Variants in GAS2 observed in about 807,000 individuals in gnomAD.
The protein encoded by GAS2 is growth arrest-specific protein 2.
Under a neutral mutation model 37.5 loss-of-function variants are expected in GAS2, and 20 were observed. That is an observed-to-expected ratio of 0.53 (90% CI 0.37 to 0.77). The LOEUF (loss-of-function observed/expected upper bound fraction) is 0.77, where lower values mean the gene tolerates loss of function less well. Ranked by LOEUF, GAS2 falls within the 30% of genes least tolerant of loss-of-function variation. GAS2 has a pLI of 0.00. For missense variants in GAS2, 336 were observed against 373.4 expected (o/e 0.90, Z 0.82); for synonymous variants, 144 against 132.2 (o/e 1.09, Z -0.61).
chr11:22,638,474 T>C (rs563686489), intron 1 of GAS2, among the ~76,000 whole-genome samples: 2 of 151,956 alleles, frequency 1.3e-5, no homozygotes, highest in South Asian at 4.2e-4. Flanking sequence ...GCCTCCGAAG[T>C]AGCTAGGATT....
At chr11:22,633,717 T>C (rs138233905) in intron 1 of GAS2, among the ~76,000 whole-genome samples, 4 of 152,246 alleles carry the variant, frequency 2.6e-5, no homozygotes, top group African/African-American at 7.2e-5. Flanking sequence ...GCCACTGTAG[T>C]TCCCCAACCA....
intron 2 of GAS2, among the ~76,000 whole-genome samples, chr11:22,681,072 T>A (rs1849660205): frequency 6.6e-6 from 1 of 152,216 alleles, no homozygotes; most frequent in Admixed American, 6.5e-5. Context: ...TAAATATGAT[T>A]ATTAGAATTC....
intron 3 of GAS2, among the ~76,000 whole-genome samples, chr11:22,699,766 A>C (rs757575525): frequency 1.3e-5 from 2 of 152,176 alleles, no homozygotes; most frequent in Non-Finnish European, 2.9e-5. Context: ...TAGTATACAC[A>C]AGCACTGAGT....
At chr11:22,631,786 T>C (rs1858747646) in intron 1 of GAS2, among the ~76,000 whole-genome samples, 1 of 152,068 alleles carries the variant, frequency 6.6e-6, no homozygotes, top group Admixed American at 6.6e-5. Context: ...TTTTCCTTTT[T>C]GTTATGTCTT....
chr11:22,661,595 A>G (rs1444348685), intron 1 of GAS2, among the ~76,000 whole-genome samples: 1 of 152,214 alleles, frequency 6.6e-6, no homozygotes, highest in African/African-American at 2.4e-5. Flanking sequence ...GAAGGTGACA[A>G]TTAAGCTTTC....
chr11:22,692,454 C>T (rs1850292221), intron 3 of GAS2, among the ~76,000 whole-genome samples: 1 of 152,100 alleles, frequency 6.6e-6, no homozygotes, highest in Non-Finnish European at 1.5e-5. Context: ...AGACATCCAT[C>T]AATATATGTA....
chr11:22,653,657 C>G (rs1467244813), intron 1 of GAS2, among the ~76,000 whole-genome samples: 1 of 152,200 alleles, frequency 6.6e-6, no homozygotes, highest in African/African-American at 2.4e-5. Context: ...AAAATAGAGT[C>G]TGCATTAGCA....
At chr11:22,789,513 G>A (rs1449294796) in intron 7 of GAS2, among the ~76,000 whole-genome samples, 28 of 120,766 alleles carry the variant, frequency 2.3e-4, no homozygotes, top group Admixed American at 7.1e-4. Flanking sequence ...CCAGGCTGAA[G>A]TGCAGTGGCG....
At chr11:22,794,926 A>G (rs2134600792) in intron 7 of GAS2, among the ~76,000 whole-genome samples, 1 of 152,298 alleles carries the variant, frequency 6.6e-6, no homozygotes, top group East Asian at 1.9e-4. Context: ...AGTCTTGTGT[A>G]GATTACTCCC....
At chr11:22,759,066 TTA>T (rs1854224281) in intron 7 of GAS2, among the ~76,000 whole-genome samples, 1 of 152,138 alleles carries the variant, frequency 6.6e-6, no homozygotes, top group African/African-American at 2.4e-5. Context: ...CCTAATCACT[TTA>T]TGTGTCGACT....
chr11:22,695,854 A>G (rs1348339976), intron 3 of GAS2, among the ~76,000 whole-genome samples: 1 of 152,146 alleles, frequency 6.6e-6, no homozygotes, highest in Non-Finnish European at 1.5e-5. Context: ...AATTATTAGA[A>G]ATTGTGTCCT....
At chr11:22,686,550 TACTAAAAAAAAAAAAAAAAAAA>T (rs2133947625) in intron 3 of GAS2, among the ~76,000 whole-genome samples, 1 of 88,856 alleles carries the variant, frequency 1.1e-5, no homozygotes, top group Non-Finnish European at 2.0e-5. Flanking sequence ...AACCCGTCTC[TACTAAAAAAAAAAAAAAAAAAA>T]AAAAAAAAAA....
intron 1 of GAS2, among the ~76,000 whole-genome samples, chr11:22,668,541 G>A (rs767928335): frequency 6.6e-6 from 1 of 152,082 alleles, no homozygotes; most frequent in Admixed American, 6.5e-5. Flanking sequence ...TGGGAAATAA[G>A]TTCACATGGC....
In GAS2 at chr11:22,726,330, A is replaced by G. The variant is rs202203862; in HGVS notation, c.306A>G (p.Ala102=). ...PLKKIPCKTS[A]PSGSFFARDN... Reference sequence around the variant, plus strand: ...AGAAGATCCCATGCAAAACCAGTGCACCCTCGGGCTCCTTTTTTGCCAGAG... The same window carrying G: ...AGAAGATCCCATGCAAAACCAGTGCGCCCTCGGGCTCCTTTTTTGCCAGAG... Residue 102 remains alanine (A), a synonymous_variant, in exon 4 of 8, where the codon GCA becomes GCG. Transcript: ENST00000454584. 3 of 1,611,338 alleles carry G rather than the reference A, an allele frequency of 1.9e-6. No homozygotes were observed. The highest frequency in any genetic ancestry group is 2.2e-5 in the East Asian group (1 of 44,796).
chr11:22,668,986 C>G (rs1050503446), intron 1 of GAS2, among the ~76,000 whole-genome samples: 4 of 152,134 alleles, frequency 2.6e-5, no homozygotes, highest in Admixed American at 6.5e-5. Context: ...AAATAATCTG[C>G]TGTCAAAATT....
intron 1 of GAS2, among the ~76,000 whole-genome samples, chr11:22,653,030 T>TCTTTCTTTCTTTCTTTCTTG (rs1848810897): frequency 6.7e-6 from 1 of 149,104 alleles, no homozygotes; most frequent in Non-Finnish European, 1.5e-5. Flanking sequence ...TTTCTTTCTT[T>TCTTTCTTTCTTTCTTTCTTG]CTTTCTCTTT....
intron 7 of GAS2, among the ~76,000 whole-genome samples, chr11:22,791,700 T>A (rs1209308638): frequency 2.0e-5 from 3 of 152,054 alleles, no homozygotes; most frequent in African/African-American, 7.2e-5. Context: ...TTAAGACAAA[T>A]GAAGGAATGA....
chr11:22,795,909 G>A (rs1200117956), intron 7 of GAS2, among the ~76,000 whole-genome samples: 1 of 152,160 alleles, frequency 6.6e-6, no homozygotes, highest in Non-Finnish European at 1.5e-5. Flanking sequence ...TAAGGAGCTA[G>A]TAGTGAAGAT....
intron 7 of GAS2, among the ~76,000 whole-genome samples, chr11:22,811,076 T>A (rs1269818202): frequency 6.6e-6 from 1 of 152,156 alleles, no homozygotes; most frequent in Non-Finnish European, 1.5e-5. Context: ...ATGTCAAACC[T>A]CCATGATATA....
Sources: allele counts gnomAD v4.1 joint callset (sites outside exome capture counted in the v4.1 genomes callset), GRCh38; gene constraint gnomAD v4.1.1; transcripts MANE v1.5; gene names NCBI Gene and HGNC (gene_info 2026-07-23, HGNC 2026-07-21).